Variants in BLCAP observed in about 807,000 individuals in gnomAD.
BLCAP encodes the protein BLCAP apoptosis inducing factor.
A neutral mutation model predicts 5.7 loss-of-function variants in BLCAP; 1 was observed. The ratio of observed to expected loss-of-function variants is 0.18; its 90% CI spans 0.06 to 0.83. BLCAP has a LOEUF of 0.83. Among genes scored for constraint, BLCAP ranks in the 40% least tolerant of loss-of-function variants. BLCAP has a pLI of 0.71. For synonymous variants in BLCAP, 48 were observed against 49.4 expected, an observed-to-expected ratio of 0.97 and a Z score of 0.11; for missense variants, 66 against 107.6, an observed-to-expected ratio of 0.61 and a Z score of 1.71.
intron 1 of BLCAP, chr20:37,522,669 G>A: frequency 1.2e-6 from 2 of 1,611,018 alleles, no homozygotes; most frequent in South Asian, 1.1e-5. Flanking sequence ...CGTCGCAGGT[G>A]TTCAGGTACT....
intron 1 of BLCAP, chr20:37,522,813 C>T: frequency 2.0e-6 from 3 of 1,479,060 alleles, no homozygotes; most frequent in South Asian, 2.5e-5. Context: ...CTGTGCATCT[C>T]GGCCAGCACG....
At chr20:37,526,271 T>TCCCCCCCCCCCCCCCCCCCCCC (rs11477433) in intron 1 of BLCAP, among the ~76,000 whole-genome samples, 87 of 125,256 alleles carry the variant, frequency 6.9e-4, no homozygotes, top group Non-Finnish European at 7.7e-4. Flanking sequence ...GCAGTTAACT[T>TCCCCCCCCCCCCCCCCCCCCCC]CCCCCCCCCA....
At chr20:37,526,170 G>C (rs982079136) in intron 1 of BLCAP, among the ~76,000 whole-genome samples, 9 of 152,112 alleles carry the variant, frequency 5.9e-5, no homozygotes, top group African/African-American at 2.2e-4. Flanking sequence ...TTGGATCGGG[G>C]AGCAGGTTTG....
chr20:37,522,281 C>A, intron 1 of BLCAP: 1 of 1,196,240 alleles, frequency 8.4e-7, no homozygotes. Context: ...AAATCATTTA[C>A]CCTAAAAGCT....
Position 37,521,371 on chromosome 20 carries a change from A to G in BLCAP, c.-176-2021T>C, listed in dbSNP as rs1252240421. The G allele has an allele frequency of 1.2e-6, 2 of 1,613,952 alleles. No homozygotes were observed. The highest frequency in any genetic ancestry group is 1.7e-6 in the Non-Finnish European group (2 of 1,179,970). ...GGCGGCCTCGGCTGAACTGCTCATC[A>G]TCGGCTGGTACATCTTCCGCGTGCT... is the stretch of plus-strand genomic sequence containing the variant. On this transcript the variant is annotated intron_variant, in intron 1 of 1. Coordinates refer to ENST00000373537, the MANE Select transcript of BLCAP (RefSeq NM_006698.4). The surrounding 1 kb of genome is among the most constrained non-coding windows in gnomAD (Gnocchi z 4.5).
Position 37,527,874 on chromosome 20 carries a change from A to T in BLCAP, c.-258T>A, listed in dbSNP as rs1801002493. 1 of 152,574 alleles carries T rather than the reference A, an allele frequency of 6.6e-6. No homozygotes were observed. Among genetic ancestry groups the T allele is most frequent in the African/African-American group, 2.4e-5 (1 of 41,562 alleles). The allele number at this position is 152,574 out of a possible 1,614,324, so 9.5% of individuals were successfully genotyped here. A position where few individuals can be genotyped will look rare whatever the true frequency, so the allele number is the denominator to read the frequency against. On this transcript the variant is annotated 5_prime_UTR_variant, in exon 1 of 2. Transcript: ENST00000373537. The stretch of plus-strand genomic sequence containing the variant: ...CACCTCAGCTCGCCACCGACGCCGC[A>T]GGAAGCCGGGGAGACGCCCCCTTAG...
intron 1 of BLCAP, chr20:37,522,982 AG>A (rs1021692814): frequency 2.0e-6 from 1 of 496,702 alleles, no homozygotes; most frequent in African/African-American, 2.0e-5. Context: ...GGTCCCACTA[AG>A]GGGCAGGGTC....
Position 37,521,438 on chromosome 20 carries a change from C to A in BLCAP, c.-176-2088G>T. 1.2e-6 allele frequency: 2 copies of A among 1,600,360 alleles called. No individual in the cohort carries two copies. Among genetic ancestry groups the A allele is most frequent in the Non-Finnish European group, 1.7e-6 (2 of 1,167,390 alleles). ...ACGGGGTTTCGGGTGGGAGAGGGTT[C>A]CCAACTCGCGCCCCTAGAACCCGCA... On this transcript the variant is annotated intron_variant, in intron 1 of 1. Transcript: ENST00000373537. This position sits in a 1 kb window ranked among gnomAD's most constrained non-coding sequence, Gnocchi z 4.5.
intron 1 of BLCAP, chr20:37,520,267 C>T (rs769214196): frequency 9.2e-5 from 14 of 152,280 alleles, no homozygotes; most frequent in Non-Finnish European, 1.5e-5. Context: ...GCCCGAAAAT[C>T]CGCGCTGTGC....
chr20:37,520,708 G>A (rs1176132220), intron 1 of BLCAP: 4 of 152,688 alleles, frequency 2.6e-5, no homozygotes, highest in Admixed American at 6.5e-5. Context: ...TAAAGAATCA[G>A]ACGGGTTACG....
chr20:37,521,666 C>CCAGG lies in BLCAP; in HGVS notation c.-176-2320_-176-2317dup, dbSNP rs2071580273. 2.0e-6 allele frequency: 1 copy of CCAGG among 490,538 alleles called. No homozygotes were observed. Among genetic ancestry groups the CCAGG allele is most frequent in the Non-Finnish European group, 3.7e-6 (1 of 272,130 alleles). 30.4% of individuals were successfully genotyped at this position (490,538 alleles called of 1,614,324 possible). A position where few individuals can be genotyped will look rare whatever the true frequency, so the allele number is the denominator to read the frequency against. ...GCGGGCGACCGCTGCGGACGATCAC[C>CCAGG]CAGGCATTTAGCGACCTACGCGGTA... On this transcript the variant is annotated intron_variant, in intron 1 of 1. Coordinates refer to ENST00000373537, the MANE Select transcript of BLCAP (RefSeq NM_006698.4). This position sits in a 1 kb window ranked among gnomAD's most constrained non-coding sequence, Gnocchi z 4.5.
In BLCAP at chr20:37,519,335, C is replaced by T; in HGVS notation, c.-161G>A. ...TCTCTGGCTGTCAGCCCGGGATCAC[C>T]AAGGCAGCAGGGATCCTGAAGAGAA... is the stretch of plus-strand genomic sequence containing the variant. On this transcript the variant is annotated 5_prime_UTR_variant, in exon 2 of 2. It introduces an in-frame stop codon into an upstream open reading frame of the 5' UTR. Coordinates refer to ENST00000373537, the MANE Select transcript of BLCAP (RefSeq NM_006698.4). 1 of 626,202 alleles carries T rather than the reference C, an allele frequency of 1.6e-6. No individual in the cohort carries two copies. Among genetic ancestry groups the T allele is most frequent in the Non-Finnish European group, 2.4e-6 (1 of 410,420 alleles). The allele number at this position is 626,202 out of a possible 1,614,324, so 38.8% of individuals were successfully genotyped here. A position where few individuals can be genotyped will look rare whatever the true frequency, so the allele number is the denominator to read the frequency against.
chr20:37,521,231 C>T lies in BLCAP; in HGVS notation c.-176-1881G>A. 2 of 1,263,644 alleles carry T rather than the reference C, an allele frequency of 1.6e-6. No homozygotes were observed. Among genetic ancestry groups the T allele is most frequent in the South Asian group, 1.2e-5 (1 of 81,630 alleles). 78.3% of individuals were successfully genotyped at this position (1,263,644 alleles called of 1,614,324 possible). On this transcript the variant is annotated intron_variant, in intron 1 of 1. Transcript: ENST00000373537. This position sits in a 1 kb window ranked among gnomAD's most constrained non-coding sequence, Gnocchi z 4.5. ...AGGTGGCGGGCGGGTACTTAAGGCG[C>T]GGCCACCGCGGCTGCGGCAGTGCGC...
Position 37,527,808 on chromosome 20 carries a change from T to TGGC in BLCAP, c.-195_-193dup, listed in dbSNP as rs1251787712. 6.6e-6 allele frequency: 1 copy of TGGC among 152,500 alleles called. No individual in the cohort carries two copies. The highest frequency in any genetic ancestry group is 1.5e-5 in the Non-Finnish European group (1 of 68,278). 9.4% of individuals were successfully genotyped at this position (152,500 alleles called of 1,614,324 possible). A position where few individuals can be genotyped will look rare whatever the true frequency, so the allele number is the denominator to read the frequency against. On this transcript the variant is annotated 5_prime_UTR_variant, in exon 1 of 2. Coordinates refer to ENST00000373537, the MANE Select transcript of BLCAP (RefSeq NM_006698.4). ...GCCACGGTACCTGCAAGCCCTGCCA[T>TGGC]GGCGCCGCCGCCACTGTCGCCGTCT...
intron 1 of BLCAP, chr20:37,523,038 C>T (rs1013630805): frequency 1.5e-5 from 6 of 402,426 alleles, no homozygotes; most frequent in African/African-American, 1.2e-4. Flanking sequence ...GAGATCTGGG[C>T]ATAGGCACCG....
At chr20:37,522,731 G>A in intron 1 of BLCAP, 8 of 1,610,164 alleles carry the variant, frequency 5.0e-6, no homozygotes, top group Non-Finnish European at 6.8e-6. Context: ...CAGGTGTTGG[G>A]GGAGCGCAGG....
In BLCAP at chr20:37,521,168, CT is replaced by C. The variant is rs1376799740; in HGVS notation, c.-176-1819del. ...GAATGAGGAGCGCCCCCAGCCACCCCTCCTCATAAACACCCCCCAAGGCGCG... is the reference window on the plus strand; with the variant it reads ...GAATGAGGAGCGCCCCCAGCCACCCCCCTCATAAACACCCCCCAAGGCGCG... On this transcript the variant is annotated intron_variant, in intron 1 of 1. Coordinates refer to ENST00000373537, the MANE Select transcript of BLCAP (RefSeq NM_006698.4). This position sits in a 1 kb window ranked among gnomAD's most constrained non-coding sequence, Gnocchi z 4.5. 16 of 705,048 alleles carry C rather than the reference CT, an allele frequency of 2.3e-5. No homozygotes were observed. Among genetic ancestry groups the C allele is most frequent in the Non-Finnish European group, 4.0e-5 (16 of 396,546 alleles). 43.7% of individuals were successfully genotyped at this position (705,048 alleles called of 1,614,324 possible).
chr20:37,525,752 TAGAG>T (rs1232074549), intron 1 of BLCAP, among the ~76,000 whole-genome samples: 1 of 152,234 alleles, frequency 6.6e-6, no homozygotes, highest in African/African-American at 2.4e-5. Flanking sequence ...TTTATTCTGA[TAGAG>T]AGCAATGCGA....
At position 37,521,735 on chromosome 20, in the gene BLCAP, G is replaced by A. The variant is rs1392766877; in HGVS notation, c.-176-2385C>T. 3 of 293,358 alleles carry A rather than the reference G, an allele frequency of 1.0e-5. No individual in the cohort carries two copies. The highest frequency in any genetic ancestry group is 1.3e-5 in the Non-Finnish European group (2 of 154,180). The allele number at this position is 293,358 out of a possible 1,614,324, so 18.2% of individuals were successfully genotyped here. ...CGGACTCGACCCCAGGAGGGAGGCG[G>A]GGCACTACTGTGTTGAAAGACTTTA... On this transcript the variant is annotated intron_variant, in intron 1 of 1. Transcript: ENST00000373537. This position sits in a 1 kb window ranked among gnomAD's most constrained non-coding sequence, Gnocchi z 4.5.
Sources: allele counts gnomAD v4.1 joint callset (sites outside exome capture counted in the v4.1 genomes callset), GRCh38; gene constraint gnomAD v4.1.1; non-coding constraint Gnocchi (gnomAD v3.1); transcripts MANE v1.5; gene names NCBI Gene and HGNC (gene_info 2026-07-23, HGNC 2026-07-21).